The following CPHXL2 variants were observed in gnomAD, a reference collection of about 807,000 sequenced individuals.
CPHXL2 encodes the protein cytoplasmic polyadenylated homeobox like 2, also known as cytoplasmic polyadenylated homeobox-like protein 2.
the CPHXL2 span, among the ~76,000 whole-genome samples, chr16:75,662,479 T>A: frequency 6.6e-6 from 1 of 152,082 alleles, no homozygotes; most frequent in Non-Finnish European, 1.5e-5. Flanking sequence ...CCTCTAATCC[T>A]GCTTGGATCT....
At chr16:75,674,603 T>C in the CPHXL2 span, among the ~76,000 whole-genome samples, 1 of 152,236 alleles carries the variant, frequency 6.6e-6, no homozygotes, top group African/African-American at 2.4e-5. Flanking sequence ...GATCTTAAAA[T>C]TCATATGAAA....
At chr16:75,665,922 C>A in the CPHXL2 span, among the ~76,000 whole-genome samples, 11 of 152,032 alleles carry the variant, frequency 7.2e-5, no homozygotes. Flanking sequence ...TGGAATAGTA[C>A]CTCACATCTC....
chr16:75,668,209 C>G, the CPHXL2 span, among the ~76,000 whole-genome samples: 1 of 131,580 alleles, frequency 7.6e-6, no homozygotes, highest in Non-Finnish European at 1.5e-5. Context: ...CTCTCTCTCT[C>G]TCTCTATATA....
chr16:75,670,112 C>G, the CPHXL2 span, among the ~76,000 whole-genome samples: 1 of 152,156 alleles, frequency 6.6e-6, no homozygotes, highest in African/African-American at 2.4e-5. Flanking sequence ...GACGGGATTT[C>G]ACCATGTTGG....
chr16:75,660,303 T>C, the CPHXL2 span: 4 of 398,500 alleles, frequency 1.0e-5, no homozygotes, highest in African/African-American at 2.1e-5. Context: ...GGCAGGCCCG[T>C]GTAGACCCCT....
At chr16:75,668,573 G>T in the CPHXL2 span, among the ~76,000 whole-genome samples, 3 of 152,054 alleles carry the variant, frequency 2.0e-5, no homozygotes, top group African/African-American at 7.2e-5. Context: ...TCTCAAATTG[G>T]TTCTGGATAC....
chr16:75,662,085 T>C, the CPHXL2 span, among the ~76,000 whole-genome samples: 1 of 152,210 alleles, frequency 6.6e-6, no homozygotes, highest in Non-Finnish European at 1.5e-5. Flanking sequence ...CTGACTGGCT[T>C]TGGGTTGGGG....
the CPHXL2 span, chr16:75,669,379 G>C: frequency 2.5e-6 from 1 of 400,324 alleles, no homozygotes; most frequent in Non-Finnish European, 4.4e-6. Context: ...CACGTTAACC[G>C]GACAATCAAA....
chr16:75,660,881 A>G, the CPHXL2 span: 16 of 398,578 alleles, frequency 4.0e-5, no homozygotes, highest in East Asian at 1.8e-4. Flanking sequence ...GCTTTTCAGT[A>G]CCTGCGACCA....
chr16:75,664,432 C>G, the CPHXL2 span, among the ~76,000 whole-genome samples: 9 of 151,914 alleles, frequency 5.9e-5, no homozygotes, highest in Non-Finnish European at 1.5e-5. Context: ...TTGAGACCAG[C>G]CTGACCAACA....
the CPHXL2 span, among the ~76,000 whole-genome samples, chr16:75,670,105 G>C: frequency 1.3e-5 from 2 of 152,040 alleles, 1 homozygote; most frequent in South Asian, 4.2e-4. Flanking sequence ...TAGTAGAGAC[G>C]GGATTTCACC....
the CPHXL2 span, among the ~76,000 whole-genome samples, chr16:75,662,560 A>C: frequency 6.6e-6 from 1 of 151,980 alleles, no homozygotes; most frequent in African/African-American, 2.4e-5. Flanking sequence ...AAAAAGACAT[A>C]GCTTTGGAGA....
chr16:75,660,459 G>A, the CPHXL2 span: 1 of 398,554 alleles, frequency 2.5e-6, no homozygotes, highest in Middle Eastern at 6.3e-4. Flanking sequence ...ATTATTCTGA[G>A]GCAGTTGACT....
chr16:75,660,885 G>A, the CPHXL2 span: 1 of 398,642 alleles, frequency 2.5e-6, no homozygotes, highest in Non-Finnish European at 4.4e-6. Context: ...TTCAGTACCT[G>A]CGACCAGATA....
the CPHXL2 span, among the ~76,000 whole-genome samples, chr16:75,669,781 TG>T: frequency 1.3e-5 from 2 of 152,242 alleles, no homozygotes; most frequent in Non-Finnish European, 2.9e-5. Context: ...AGAGTTTTTT[TG>T]AAACACCAGT....
At chr16:75,661,310 C>T in the CPHXL2 span, 12 of 399,866 alleles carry the variant, frequency 3.0e-5, no homozygotes, top group South Asian at 1.2e-3. Flanking sequence ...TGCCTCTATG[C>T]ATTCCTTAAT....
At chr16:75,663,763 G>A in the CPHXL2 span, among the ~76,000 whole-genome samples, 16 of 151,868 alleles carry the variant, frequency 1.1e-4, no homozygotes, top group Non-Finnish European at 2.2e-4. Flanking sequence ...GCGGGCACCT[G>A]TAGTCCCAGT....
chr16:75,662,128 T>G, the CPHXL2 span, among the ~76,000 whole-genome samples: 1 of 152,144 alleles, frequency 6.6e-6, no homozygotes, highest in African/African-American at 2.4e-5. Flanking sequence ...TTTGATTAAC[T>G]TGCCAGAGCA....
At chr16:75,671,772 T>C in the CPHXL2 span, among the ~76,000 whole-genome samples, 2 of 152,178 alleles carry the variant, frequency 1.3e-5, no homozygotes, top group Non-Finnish European at 2.9e-5. Flanking sequence ...TGAGAAAGAC[T>C]AGAATGTTCT....
Sources: allele counts gnomAD v4.1 joint callset (sites outside exome capture counted in the v4.1 genomes callset), GRCh38; gene constraint gnomAD v4.1.1; transcripts MANE v1.5; gene names NCBI Gene and HGNC (gene_info 2026-07-23, HGNC 2026-07-21).